Variants in TP63 observed in about 807,000 individuals in gnomAD.
TP63 encodes tumor protein 63.
In TP63, 17 loss-of-function variants were observed where a neutral mutation model predicts 82.8. That is an observed-to-expected ratio of 0.21 (90% confidence interval 0.14 to 0.31). The LOEUF (loss-of-function observed/expected upper bound fraction) is 0.31. Among genes scored for constraint, TP63 ranks in the 10% least tolerant of loss-of-function variants. The pLI, the probability that TP63 is intolerant of heterozygous loss-of-function variation, is 1.00. For synonymous variants in TP63, 330 were observed against 321.7 expected (o/e 1.03, Z -0.28); for missense variants, 648 against 895.3 (o/e 0.72, Z 3.52).
chr3:189,829,237 C>T (rs948567422), intron 4 of TP63, among the ~76,000 whole-genome samples: 2 of 152,182 alleles, frequency 1.3e-5, no homozygotes, highest in South Asian at 2.1e-4. Context: ...CAAGACCCAA[C>T]CATCTTAAAA....
intron 1 of TP63, among the ~76,000 whole-genome samples, chr3:189,647,007 G>A (rs1439705318): frequency 6.8e-6 from 1 of 147,132 alleles, no homozygotes; most frequent in Non-Finnish European, 1.5e-5. Context: ...AAATCGTCAG[G>A]CTGGGTAACT....
intron 3 of TP63, among the ~76,000 whole-genome samples, chr3:189,766,427 T>C (rs78017567): frequency 1.3e-5 from 2 of 151,314 alleles, no homozygotes; most frequent in African/African-American, 2.4e-5. Context: ...GTTTTTTTTT[T>C]CTGTGGAGGT....
At position 189,657,769 on chromosome 3, in the gene TP63, G is replaced by GTT. The variant is rs558636815; in HGVS notation, c.62+26193_62+26194dup. Among the ~76,000 whole-genome samples, 100 of 152,142 alleles carry GTT rather than the reference G, an allele frequency of 6.6e-4. 2 individuals are homozygous for GTT. The South Asian group carries it at 0.019, about 29-fold the overall frequency. ...GTTTACCTTGTATTAGATATGGATG[G>GTT]TTATATATAGAAATATCAATATGCA... On this transcript the variant is annotated intron_variant, in intron 1 of 13. Coordinates refer to ENST00000264731, the MANE Select transcript of TP63 (RefSeq NM_003722.5).
chr3:189,807,099 G>A (rs541877468), intron 3 of TP63, among the ~76,000 whole-genome samples: 2 of 152,178 alleles, frequency 1.3e-5, no homozygotes, highest in Admixed American at 1.3e-4. Flanking sequence ...CATTCATTAG[G>A]TTGATGAAAC....
At chr3:189,629,838 A>G (rs943047558), upstream of TP63, among the ~76,000 whole-genome samples, 7 of 152,198 alleles carry the variant, frequency 4.6e-5, no homozygotes, top group Non-Finnish European at 7.3e-5. Flanking sequence ...AGAACCTTCT[A>G]TTTAGGTCAT....
chr3:189,646,990 T>A (rs1463126908), intron 1 of TP63, among the ~76,000 whole-genome samples: 1 of 147,222 alleles, frequency 6.8e-6, no homozygotes, highest in Non-Finnish European at 1.5e-5. Flanking sequence ...TTTCAACCAG[T>A]GAAATGAAAT....
chr3:189,748,928 G>A (rs1721590228), intron 3 of TP63, among the ~76,000 whole-genome samples: 1 of 152,052 alleles, frequency 6.6e-6, no homozygotes, highest in Non-Finnish European at 1.5e-5. Flanking sequence ...AACATACATT[G>A]GGGAAAGGAC....
intron 4 of TP63, among the ~76,000 whole-genome samples, chr3:189,860,070 T>C (rs2108785797): frequency 6.6e-6 from 1 of 152,208 alleles, no homozygotes. Context: ...TGTACATTTG[T>C]CAAGCCATCA....
chr3:189,701,524 T>TATAC, intron 1 of TP63, among the ~76,000 whole-genome samples: 1 of 23,498 alleles, frequency 4.3e-5, no homozygotes, highest in Middle Eastern at 0.017. Flanking sequence ...TATATATACA[T>TATAC]ATATATATAT....
At position 189,851,377 on chromosome 3, in the gene TP63, T is replaced by C. The variant is rs112951475; in HGVS notation, c.580-12855T>C. Among the ~76,000 whole-genome samples the C allele has an allele frequency of 3.4e-3, 512 of 151,938 alleles. 1 individual carries two copies. The highest frequency in any genetic ancestry group is 0.012 in the African/African-American group (494 of 41,446). The stretch of plus-strand genomic sequence containing the variant: ...GAGTGAGAGACCAGCCTGGGCAACA[T>C]GGGGGAAACCCCGTCTCTGCTGAAG... On this transcript the variant is annotated intron_variant, in intron 4 of 13. Coordinates refer to ENST00000264731, the MANE Select transcript of TP63 (RefSeq NM_003722.5).
chr3:189,719,182 T>G (rs1160090901), intron 1 of TP63, among the ~76,000 whole-genome samples: 1 of 152,212 alleles, frequency 6.6e-6, no homozygotes, highest in Non-Finnish European at 1.5e-5. Flanking sequence ...CTCGGTTTGG[T>G]AAAAGTGAGA....
chr3:189,890,073 G>T (rs987148661), intron 12 of TP63, among the ~76,000 whole-genome samples: 5 of 152,200 alleles, frequency 3.3e-5, no homozygotes, highest in Non-Finnish European at 7.3e-5. Flanking sequence ...TCCCACAGAG[G>T]CAAGAGTAGG....
chr3:189,756,621 CT>C (rs1722210631), intron 3 of TP63, among the ~76,000 whole-genome samples: 1 of 152,174 alleles, frequency 6.6e-6, no homozygotes. Flanking sequence ...TTGCCTTTTG[CT>C]TTGGTGTTTG....
intron 3 of TP63, 44 bp from the exon 4 acceptor site, chr3:189,808,228 G>T (rs201077903): frequency 1.2e-6 from 2 of 1,614,036 alleles, no homozygotes; most frequent in Admixed American, 1.7e-5. Context: ...GCAATGATCC[G>T]TGGCTTCAGC....
chr3:189,733,072 G>T (rs1287698247), intron 1 of TP63, among the ~76,000 whole-genome samples: 1 of 152,100 alleles, frequency 6.6e-6, no homozygotes, highest in Non-Finnish European at 1.5e-5. Flanking sequence ...GAGTCTGGAG[G>T]CTTGTTCAAG....
intron 1 of TP63, among the ~76,000 whole-genome samples, chr3:189,652,149 C>T (rs1289662741): frequency 6.8e-6 from 1 of 146,264 alleles, no homozygotes; most frequent in Non-Finnish European, 1.5e-5. Context: ...AATGGTAGAT[C>T]TACTTACAGC....
intron 13 of TP63, 83 bp downstream of exon 13, chr3:189,890,965 A>G: frequency 7.2e-7 from 1 of 1,383,708 alleles, no homozygotes; most frequent in South Asian, 1.2e-5. Flanking sequence ...TCAATCCCTG[A>G]TAGTTTAAAA....
At chr3:189,790,567 A>C (rs1477691068) in intron 3 of TP63, among the ~76,000 whole-genome samples, 1 of 145,222 alleles carries the variant, frequency 6.9e-6, no homozygotes, top group African/African-American at 2.5e-5. Context: ...TTAGGTATTT[A>C]AACCTGTGCA....
chr3:189,702,550 C>G (rs544379570), intron 1 of TP63, among the ~76,000 whole-genome samples: 32 of 152,306 alleles, frequency 2.1e-4, no homozygotes, highest in African/African-American at 7.0e-4. Context: ...TCCTCTCCTG[C>G]CTGGGTCCCA....
Sources: gnomAD v4.1 joint callset for allele counts (sites outside exome capture counted in the v4.1 genomes callset) on GRCh38, gnomAD v4.1.1 for gene constraint, MANE v1.5 for transcripts, NCBI Gene and HGNC (gene_info 2026-07-23, HGNC 2026-07-21) for gene names.